ZNF532: variants seen among roughly 807,000 people sequenced by gnomAD.
ZNF532 encodes zinc finger protein 532.
In ZNF532, 22 loss-of-function variants were observed where a neutral mutation model predicts 89.3. That is an observed-to-expected ratio of 0.25 (90% CI 0.18 to 0.35). The LOEUF is 0.35. ZNF532 is among the 10% of genes least tolerant of loss of function. The pLI is 1.00. For synonymous variants in ZNF532, 606 were observed against 649.6 expected (o/e 0.93, Z 1.02); for missense variants, 1,132 against 1,643.4 (o/e 0.69, Z 5.38).
intron 2 of ZNF532, among the ~76,000 whole-genome samples, chr18:58,878,362 C>T (rs1038158726): frequency 2.6e-5 from 4 of 152,168 alleles, no homozygotes; most frequent in African/African-American, 7.2e-5. Context: ...TAGGCAAGGA[C>T]GGGAACACAT....
intron 6 of ZNF532, among the ~76,000 whole-genome samples, chr18:58,950,598 CA>C (rs1313903830): frequency 2.6e-5 from 4 of 152,130 alleles, no homozygotes; most frequent in Non-Finnish European, 4.4e-5. Flanking sequence ...TCTCCACATA[CA>C]TATTCACTTA....
chr18:58,914,276 A>G (rs2145945187), intron 2 of ZNF532, among the ~76,000 whole-genome samples: 2 of 152,358 alleles, frequency 1.3e-5, no homozygotes, highest in Middle Eastern at 3.4e-3. Context: ...TTTTGTAAAC[A>G]GGTCTGATTC....
chr18:58,912,915 G>A (rs1159208439), intron 2 of ZNF532, among the ~76,000 whole-genome samples: 3 of 152,048 alleles, frequency 2.0e-5, no homozygotes. Context: ...CAGAGGCGCG[G>A]CTGATCAAAT....
intron 7 of ZNF532, among the ~76,000 whole-genome samples, chr18:58,961,376 C>T (rs1057015737): frequency 6.6e-6 from 1 of 152,192 alleles, no homozygotes; most frequent in African/African-American, 2.4e-5. Context: ...GTTTGCATTT[C>T]TCCGGGGCAG....
intron 5 of ZNF532, among the ~76,000 whole-genome samples, chr18:58,942,180 G>T (rs1294816632): frequency 5.3e-5 from 8 of 151,396 alleles, no homozygotes; most frequent in Admixed American, 3.9e-4. Flanking sequence ...CCACCACCAC[G>T]CCTGGCTAAT....
At chr18:58,912,423 A>C (rs1158689882) in intron 2 of ZNF532, among the ~76,000 whole-genome samples, 1 of 152,210 alleles carries the variant, frequency 6.6e-6, no homozygotes, top group Non-Finnish European at 1.5e-5. Context: ...TATAAACTGT[A>C]TTTGTACGCT....
intron 2 of ZNF532, among the ~76,000 whole-genome samples, chr18:58,888,755 A>AAAT (rs2058548074): frequency 2.9e-5 from 1 of 34,572 alleles, no homozygotes; most frequent in African/African-American, 1.5e-4. Context: ...ATATATATAT[A>AAAT]AAATTAATAT....
chr18:58,955,822 T>C (rs1331500236), intron 7 of ZNF532, among the ~76,000 whole-genome samples: 2 of 152,250 alleles, frequency 1.3e-5, no homozygotes, highest in Non-Finnish European at 2.9e-5. Context: ...ACAGTGTTCA[T>C]TGTAAATACT....
At chr18:58,973,167 A>C (rs774710659) in intron 7 of ZNF532, among the ~76,000 whole-genome samples, 4 of 152,194 alleles carry the variant, frequency 2.6e-5, no homozygotes, top group Non-Finnish European at 5.9e-5. Flanking sequence ...CAGTGGCACT[A>C]TCTCTGCTCA....
chr18:58,954,767 C>A (rs1278296373), intron 7 of ZNF532, among the ~76,000 whole-genome samples: 2 of 143,714 alleles, frequency 1.4e-5, no homozygotes, highest in African/African-American at 5.4e-5. Context: ...GGCTGAAATG[C>A]AGTGGCATGA....
At chr18:58,888,742 T>TATATATAAA (rs2058536344) in intron 2 of ZNF532, among the ~76,000 whole-genome samples, 1 of 36,104 alleles carries the variant, frequency 2.8e-5, no homozygotes, top group African/African-American at 2.5e-4. Context: ...ATATATATAT[T>TATATATAAA]TTATATATAT....
intron 7 of ZNF532, among the ~76,000 whole-genome samples, chr18:58,966,746 T>G (rs1439651902): frequency 0.01 from 954 of 92,814 alleles, 8 homozygotes; most frequent in African/African-American, 0.083. Flanking sequence ...GTGTTTTTTT[T>G]TTTTTTTTTT....
At chr18:58,883,618 G>C (rs534830316) in intron 2 of ZNF532, among the ~76,000 whole-genome samples, 1 of 152,132 alleles carries the variant, frequency 6.6e-6, no homozygotes, top group Non-Finnish European at 1.5e-5. Flanking sequence ...GGGTGATATA[G>C]GGAAGGCATC....
Position 58,865,397 on chromosome 18 carries a change from G to A in ZNF532, c.-128+12G>A, listed in dbSNP as rs897712967. On this transcript the variant is annotated intron_variant, in intron 1 of 9. Coordinates refer to ENST00000591808, the MANE Select transcript of ZNF532 (RefSeq NM_001375912.1). Reference sequence around the variant, plus strand: ...ATGAAGGCCAAAAGGTAACAATATCGTTCTAGGAAATGAACATAAATGCAT... The same window carrying A: ...ATGAAGGCCAAAAGGTAACAATATCATTCTAGGAAATGAACATAAATGCAT... 5 of 152,480 alleles carry A rather than the reference G, an allele frequency of 3.3e-5. No homozygotes were observed. The highest frequency in any genetic ancestry group is 9.7e-5 in the African/African-American group (4 of 41,402). 9.4% of individuals were successfully genotyped at this position (152,480 alleles called of 1,614,324 possible).
intron 2 of ZNF532, among the ~76,000 whole-genome samples, chr18:58,893,993 C>G (rs1956849018): frequency 6.6e-6 from 1 of 152,102 alleles, no homozygotes; most frequent in African/African-American, 2.4e-5. Flanking sequence ...CCATGTTCTT[C>G]TGGTTCTAGA....
intron 2 of ZNF532, among the ~76,000 whole-genome samples, chr18:58,881,775 G>A (rs2057945912): frequency 6.6e-6 from 1 of 152,174 alleles, no homozygotes; most frequent in Admixed American, 6.5e-5. Context: ...GAGCCATGAG[G>A]CATTTCTTGC....
At chr18:58,882,458 A>G (rs1170777525) in intron 2 of ZNF532, among the ~76,000 whole-genome samples, 2 of 151,966 alleles carry the variant, frequency 1.3e-5, no homozygotes, top group African/African-American at 2.4e-5. Context: ...ATATATTTTT[A>G]AGAGGCAGGG....
intron 3 of ZNF532, among the ~76,000 whole-genome samples, chr18:58,925,917 C>G (rs2061485970): frequency 6.6e-6 from 1 of 152,186 alleles, no homozygotes; most frequent in Non-Finnish European, 1.5e-5. Context: ...GGGGCTATTT[C>G]TGGATTCTTT....
rs561361285 is a variant in ZNF532, at chr18:58,943,704, G to A, written c.2705+4083G>A. On this transcript the variant is annotated intron_variant, in intron 5 of 9. Transcript: ENST00000591808. ...TCTCGATCTCTTTACCTTGTGATCC[G>A]CCTGCCTCAGCCTCCCAGATTGCTG... Among the ~76,000 whole-genome samples the A allele has an allele frequency of 5.3e-5, 8 of 152,078 alleles. No individual in the cohort carries two copies. The South Asian group carries it at 1.5e-3, about 28-fold the overall frequency.
Sources: gnomAD v4.1 joint callset for allele counts (sites outside exome capture counted in the v4.1 genomes callset) on GRCh38, gnomAD v4.1.1 for gene constraint, MANE v1.5 for transcripts, NCBI Gene and HGNC (gene_info 2026-07-23, HGNC 2026-07-21) for gene names.